CNTN3: variants seen among roughly 807,000 people sequenced by gnomAD.
CNTN3 encodes contactin 3.
Under a neutral mutation model 119.1 loss-of-function variants are expected in CNTN3, and 60 were observed. The observed-to-expected ratio is 0.50, with a 90% CI of 0.41 to 0.62. The LOEUF is 0.62. Ranked by LOEUF, CNTN3 falls within the 20% of genes least tolerant of loss-of-function variation. The probability of loss-of-function intolerance (pLI) is 0.00; values close to 1 mark genes in which losing one functional copy is unlikely to be tolerated. For synonymous variants in CNTN3, 450 were observed against 438.7 expected (o/e 1.03, Z -0.32); for missense variants, 1,101 against 1,242.4 (o/e 0.89, Z 1.71).
chr3:74,576,701 T>C (rs900418120), intron 1 of CNTN3, among the ~76,000 whole-genome samples: 1 of 152,078 alleles, frequency 6.6e-6, no homozygotes, highest in African/African-American at 2.4e-5. Context: ...TTATGGTAGG[T>C]AAAAGAAAAG....
At chr3:74,563,323 CA>C (rs1704180489) in intron 1 of CNTN3, among the ~76,000 whole-genome samples, 1 of 151,990 alleles carries the variant, frequency 6.6e-6, no homozygotes. Flanking sequence ...AAAACACAGA[CA>C]AAAAAGCTTA....
rs1702483761 is a variant in CNTN3 at position 74,302,721 on chromosome 3, AC to A, written c.1754del (p.Ser585MetfsTer9). On this transcript the variant is annotated frameshift_variant, in exon 14 of 23. Transcript: ENST00000263665. LOFTEE classifies it high-confidence loss of function. ...YVCMVQTGVD[S>X]VSSAADLIVR... ...CTATGAGGTCAGCAGCAGATGAAACACTGTCCACCCCCGTTTGCACCATACA... is the reference window on the plus strand; with the variant it reads ...CTATGAGGTCAGCAGCAGATGAAACATGTCCACCCCCGTTTGCACCATACA... 1 of 1,612,888 alleles carries A rather than the reference AC, an allele frequency of 6.2e-7. No homozygotes were observed. The highest frequency in any genetic ancestry group is 8.5e-7 in the Non-Finnish European group (1 of 1,179,248).
intron 1 of CNTN3, among the ~76,000 whole-genome samples, chr3:74,559,305 G>A (rs978218062): frequency 1.3e-5 from 2 of 152,122 alleles, no homozygotes; most frequent in African/African-American, 2.4e-5. Context: ...AGGACCCAGT[G>A]ATTTGCATCA....
At chr3:74,582,171 C>T (rs1421980952) in intron 1 of CNTN3, among the ~76,000 whole-genome samples, 1 of 152,086 alleles carries the variant, frequency 6.6e-6, no homozygotes, top group Non-Finnish European at 1.5e-5. Flanking sequence ...CTTTGGGAGG[C>T]AGAGGTGGAT....
intron 4 of CNTN3, among the ~76,000 whole-genome samples, chr3:74,477,064 T>C (rs1020874127): frequency 3.9e-5 from 6 of 152,118 alleles, no homozygotes; most frequent in Non-Finnish European, 8.8e-5. Context: ...CCATAAGACA[T>C]GCATCCCAAG....
At chr3:74,584,624 T>C (rs542920281) in intron 1 of CNTN3, among the ~76,000 whole-genome samples, 1 of 152,178 alleles carries the variant, frequency 6.6e-6, no homozygotes, top group South Asian at 2.1e-4. Flanking sequence ...CTTTTCTTTA[T>C]GTATTACCCA....
rs544145502 is a variant in CNTN3 at position 74,305,609 on chromosome 3, G to T, written c.1669-2802C>A. Among the ~76,000 whole-genome samples, 13 of 152,056 alleles carry T rather than the reference G, an allele frequency of 8.5e-5. No individual in the cohort carries two copies. The South Asian group carries it at 2.1e-3, about 24-fold the overall frequency. ...CAACTACACAGATCAACATGGTTGA[G>T]TTTCAAAAGCGTGAAGGATATGAAC... On this transcript the variant is annotated intron_variant, in intron 13 of 22. Transcript: ENST00000263665.
Position 74,581,848 on chromosome 3 carries a change from C to T in CNTN3, c.-81+32543G>A, listed in dbSNP as rs577133765. Among the ~76,000 whole-genome samples the T allele has an allele frequency of 2.7e-3, 411 of 152,056 alleles. 2 individuals carry two copies. Among genetic ancestry groups the T allele is most frequent in the Admixed American group, 5.5e-3 (84 of 15,264 alleles). On this transcript the variant is annotated intron_variant, in intron 1 of 22. Transcript: ENST00000263665. ...TTAACCAAGACACCAAGGCAGTGCA[C>T]GGGGGAAGTCTTGTTAATAAATGTT...
chr3:74,358,453 A>C (rs1703992476), intron 11 of CNTN3, among the ~76,000 whole-genome samples: 1 of 151,978 alleles, frequency 6.6e-6, no homozygotes, highest in Non-Finnish European at 1.5e-5. Flanking sequence ...AAAAAAAAAA[A>C]AATTCTGTAT....
At chr3:74,431,805 T>C (rs1378461283) in intron 4 of CNTN3, among the ~76,000 whole-genome samples, 1 of 152,176 alleles carries the variant, frequency 6.6e-6, no homozygotes. Context: ...GGTCTCAACA[T>C]TTAAAAACTG....
At chr3:74,271,668 G>A (rs899847627) in intron 20 of CNTN3, among the ~76,000 whole-genome samples, 10 of 152,104 alleles carry the variant, frequency 6.6e-5, no homozygotes, top group African/African-American at 2.2e-4. Flanking sequence ...CTGATAAAAA[G>A]TTGTTATAAC....
intron 1 of CNTN3, 30 bp from the exon 2 acceptor site, chr3:74,521,222 TAAAA>T (rs59140298): frequency 9.0e-4 from 285 of 317,916 alleles, no homozygotes; most frequent in African/African-American, 4.1e-3. Context: ...AGAAGTTCGT[TAAAA>T]AAAAAAAAAA....
At chr3:74,399,193 G>C (rs965151227) in intron 5 of CNTN3, among the ~76,000 whole-genome samples, 4 of 151,844 alleles carry the variant, frequency 2.6e-5, no homozygotes, top group Non-Finnish European at 4.4e-5. Flanking sequence ...TTGTGACATA[G>C]GTAAACTTGT....
intron 4 of CNTN3, among the ~76,000 whole-genome samples, chr3:74,445,085 G>A (rs1702027246): frequency 1.3e-5 from 2 of 152,102 alleles, no homozygotes; most frequent in South Asian, 4.1e-4. Flanking sequence ...TTGCTCCACT[G>A]AATATCTGTC....
intron 1 of CNTN3, among the ~76,000 whole-genome samples, chr3:74,559,180 CAA>C (rs1282932364): frequency 6.6e-6 from 1 of 151,974 alleles, no homozygotes; most frequent in Non-Finnish European, 1.5e-5. Flanking sequence ...TTAAACTTTA[CAA>C]AGTTTCCTTG....
chr3:74,272,237 T>C (rs549411338), intron 20 of CNTN3, among the ~76,000 whole-genome samples: 9 of 152,186 alleles, frequency 5.9e-5, no homozygotes, highest in Non-Finnish European at 1.2e-4. Context: ...TGAATTTGTG[T>C]TGGGCTGCAT....
chr3:74,596,926 C>T (rs370218982), intron 1 of CNTN3, among the ~76,000 whole-genome samples: 14 of 152,170 alleles, frequency 9.2e-5, no homozygotes, highest in East Asian at 7.8e-4. Context: ...GGACAGCAAA[C>T]GACCTGGGAG....
At chr3:74,601,154 C>T (rs948799357) in intron 1 of CNTN3, among the ~76,000 whole-genome samples, 1 of 151,936 alleles carries the variant, frequency 6.6e-6, no homozygotes, top group Admixed American at 6.6e-5. Flanking sequence ...CAATGGGTAG[C>T]ATCTAATGAG....
chr3:74,556,718 GT>G (rs1378533716), intron 1 of CNTN3, among the ~76,000 whole-genome samples: 1 of 152,118 alleles, frequency 6.6e-6, no homozygotes, highest in African/African-American at 2.4e-5. Context: ...CTGCCAGACT[GT>G]TTTCCAATGT....
Sources: gnomAD v4.1 joint callset for allele counts (sites outside exome capture counted in the v4.1 genomes callset) on GRCh38, gnomAD v4.1.1 for gene constraint, MANE v1.5 for transcripts, NCBI Gene and HGNC (gene_info 2026-07-23, HGNC 2026-07-21) for gene names.